Variants in CDK11B observed in about 807,000 individuals in gnomAD.
CDK11B encodes the protein cyclin-dependent kinase 11B.
A neutral mutation model predicts 84.0 loss-of-function variants in CDK11B; 37 were observed. The ratio of observed to expected loss-of-function variants is 0.44; its 90% CI spans 0.34 to 0.58. The LOEUF is 0.58. Ranked by LOEUF, CDK11B falls within the 20% of genes least tolerant of loss-of-function variation. CDK11B has a pLI of 0.02. For missense variants in CDK11B, 427 were observed against 834.0 expected (o/e 0.51, Z 6.01); for synonymous variants, 269 against 309.8 (o/e 0.87, Z 1.38).
At position 1,635,770 on chromosome 1, in the gene CDK11B, C is replaced by T. The variant is rs1206225305; in HGVS notation, c.2343G>A (p.Lys781=). Reference sequence around the variant, plus strand: ...ACGGGGTCCACTCTGACCTTCAGAACTTGAGGCTGAAGCCGGGGCCCGCGG... The same window carrying T: ...ACGGGGTCCACTCTGACCTTCAGAATTTGAGGCTGAAGCCGGGGCCCGCGG... ...ASAAGPGFSL[K]F Residue 781 remains lysine (K), a synonymous_variant, in exon 20 of 20, where the codon AAG becomes AAA. Transcript: ENST00000341832. 3.1e-6 allele frequency: 1 copy of T among 321,100 alleles called. No homozygotes were observed. The allele number at this position is 321,100 out of a possible 1,614,324, so 19.9% of individuals were successfully genotyped here.
At chr1:1,656,571 T>G (rs898492806) in intron 2 of CDK11B, among the ~76,000 whole-genome samples, 2 of 152,148 alleles carry the variant, frequency 1.3e-5, no homozygotes, top group Admixed American at 1.3e-4. Flanking sequence ...GGGTGGATCA[T>G]GAGGTCAGGA....
chr1:1,636,215 C>A (rs1158272133), intron 18 of CDK11B, 89 bp from the exon 19 acceptor site: 86 of 1,021,860 alleles, frequency 8.4e-5, no homozygotes, highest in Admixed American at 4.4e-4. Context: ...GGGCTCAGGG[C>A]ATGGGACGCC....
At chr1:1,637,296 C>A (rs1031807328) in intron 14 of CDK11B, 94 bp from the exon 15 acceptor site, 1 of 1,571,832 alleles carries the variant, frequency 6.4e-7, no homozygotes, top group African/African-American at 1.4e-5. Flanking sequence ...AGAGGCTTCT[C>A]AGGGCTTTCC....
Position 1,639,831 on chromosome 1 carries a change from A to G in CDK11B, c.1251+446T>C, listed in dbSNP as rs17162879. Among the ~76,000 whole-genome samples the G allele has an allele frequency of 2.0e-3, 302 of 151,556 alleles. 1 individual carries two copies. The highest frequency in any genetic ancestry group is 6.8e-3 in the Middle Eastern group (2 of 292). On this transcript the variant is annotated intron_variant, in intron 11 of 19. Transcript: ENST00000341832. ...TATCCTGCCTTATTGATAGCTGCCT[A>G]AGCAAAAGGCTTCTGGTCACACATC... is the stretch of plus-strand genomic sequence containing the variant.
At chr1:1,652,331 G>A (rs1642126861) in intron 4 of CDK11B, 108 bp downstream of exon 4, 1 of 952,130 alleles carries the variant, frequency 1.1e-6, no homozygotes, top group Non-Finnish European at 1.5e-6. Context: ...TTCAGCTAGA[G>A]TTTGCTTTCT....
intron 5 of CDK11B, chr1:1,645,592 A>G (rs1640967260): frequency 2.8e-6 from 1 of 355,344 alleles, no homozygotes; most frequent in African/African-American, 2.2e-5. Context: ...GTTAGCCAGG[A>G]TGGTCTCAAT....
intron 2 of CDK11B, among the ~76,000 whole-genome samples, chr1:1,656,293 C>G (rs544735302): frequency 6.6e-6 from 1 of 151,720 alleles, no homozygotes; most frequent in African/African-American, 2.4e-5. Context: ...GAGTTCCAGA[C>G]CAGCCTGACC....
chr1:1,654,054 G>A (rs879170921), intron 3 of CDK11B: 9 of 432,952 alleles, frequency 2.1e-5, no homozygotes, highest in South Asian at 1.2e-4. Flanking sequence ...ATCTCAAAGC[G>A]TCATTTAACA....
At position 1,649,520 on chromosome 1, in the gene CDK11B, C is replaced by CT; in HGVS notation, c.472dup (p.Arg158LysfsTer134). The CT allele has an allele frequency of 6.3e-7, 1 of 1,596,840 alleles. No individual in the cohort carries two copies. Among genetic ancestry groups the CT allele is most frequent in the Non-Finnish European group, 8.6e-7 (1 of 1,164,398 alleles). ...TCACCTTTCTCTCCTGGAATGCTCC[C>CT]TTGCCATCTCCCTTCTCTTCTGTCT... On this transcript the variant is annotated frameshift_variant, in exon 5 of 20. Transcript: ENST00000341832. LOFTEE classifies it high-confidence loss of function.
At chr1:1,654,889 A>G (rs1412594721) in intron 3 of CDK11B, among the ~76,000 whole-genome samples, 1 of 144,530 alleles carries the variant, frequency 6.9e-6, no homozygotes, top group South Asian at 2.3e-4. Context: ...TGATCTTCTG[A>G]CCTTGTGATC....
chr1:1,652,228 C>T (rs1642113261), intron 4 of CDK11B, among the ~76,000 whole-genome samples: 1 of 152,106 alleles, frequency 6.6e-6, no homozygotes, highest in African/African-American at 2.4e-5. Flanking sequence ...CTAGAGTTTG[C>T]TCTCTCTGGT....
intron 11 of CDK11B, among the ~76,000 whole-genome samples, chr1:1,639,512 G>C (rs544682925): frequency 6.6e-6 from 1 of 151,866 alleles, no homozygotes; most frequent in Non-Finnish European, 1.5e-5. Context: ...CCTGCCAGGC[G>C]CAGCATGATG....
chr1:1,655,258 A>G (rs1346786659), intron 3 of CDK11B, 111 bp downstream of exon 3: 3 of 1,327,306 alleles, frequency 2.3e-6, no homozygotes, highest in Non-Finnish European at 3.0e-6. Context: ...TCTAGGAAAG[A>G]GTAAACCTTA....
Position 1,650,488 on chromosome 1 carries a change from C to T in CDK11B, c.356-851G>A, listed in dbSNP as rs1203409093. Among the ~76,000 whole-genome samples, 3 of 149,610 alleles carry T rather than the reference C, an allele frequency of 2.0e-5. No individual in the cohort carries two copies. In the East Asian group the frequency reaches 6.0e-4, roughly 30 times the overall value. On this transcript the variant is annotated intron_variant, in intron 4 of 19. Transcript: ENST00000341832. ...TCACACCATTCTCCTGCCTCAGCCTCCCGAGTAGCTGGTACTACAGGCGCC... is the reference window on the plus strand; with the variant it reads ...TCACACCATTCTCCTGCCTCAGCCTTCCGAGTAGCTGGTACTACAGGCGCC...
chr1:1,654,448 CTTT>C (rs1046170093), intron 3 of CDK11B, among the ~76,000 whole-genome samples: 3 of 151,976 alleles, frequency 2.0e-5, no homozygotes, highest in Non-Finnish European at 4.4e-5. Flanking sequence ...TTCTCATCTT[CTTT>C]TTTTTATTTT....
chr1:1,654,822 C>A (rs1642512604), intron 3 of CDK11B, among the ~76,000 whole-genome samples: 1 of 151,876 alleles, frequency 6.6e-6, no homozygotes, highest in Non-Finnish European at 1.5e-5. Context: ...CCACGCCCGG[C>A]TAATTTTCTG....
Position 1,658,955 on chromosome 1 carries a change from C to T in CDK11B, c.-55G>A, listed in dbSNP as rs1350955461. On this transcript the variant is annotated 5_prime_UTR_variant, in exon 1 of 20. Transcript: ENST00000341832. Reference sequence around the variant, plus strand: ...CTGCCGCCGCCGCCGCCGCCGGTCCCGGAGCCAGAGAAGAAACAGCAACCG... The same window carrying T: ...CTGCCGCCGCCGCCGCCGCCGGTCCTGGAGCCAGAGAAGAAACAGCAACCG... 3 of 204,868 alleles carry T rather than the reference C, an allele frequency of 1.5e-5. No individual in the cohort carries two copies. The highest frequency in any genetic ancestry group is 1.7e-4 in the East Asian group (1 of 6,000). The allele number at this position is 204,868 out of a possible 1,614,324, so 12.7% of individuals were successfully genotyped here. A position where few individuals can be genotyped will look rare whatever the true frequency, so the allele number is the denominator to read the frequency against.
Position 1,636,458 on chromosome 1 carries a change from T to A in CDK11B, c.1941A>T (p.Lys647Asn), listed in dbSNP as rs1382257865. Residue 647 changes from lysine to asparagine, a missense_variant, in exon 18 of 20, where the codon AAA becomes AAT. This residue lies in a region of CDK11B where 170 missense variants were observed against 196.0 expected (regional missense o/e 0.87). Coordinates refer to ENST00000341832, the MANE Select transcript of CDK11B (RefSeq NM_033486.3). ...VFKDLGTPSEKIWPGYSELPA... is the reference protein window; with the variant it reads ...VFKDLGTPSENIWPGYSELPA... Reference sequence around the variant, plus strand: ...GGAGCTCGCTGTAGCCGGGCCAGATTTTCTCACTAGGGGTCCCCAGATCCT... The same window carrying A: ...GGAGCTCGCTGTAGCCGGGCCAGATATTCTCACTAGGGGTCCCCAGATCCT... 1 of 1,612,764 alleles carries A rather than the reference T, an allele frequency of 6.2e-7. No individual in the cohort carries two copies. Among genetic ancestry groups the A allele is most frequent in the Non-Finnish European group, 8.5e-7 (1 of 1,179,392 alleles).
chr1:1,647,538 G>A (rs1029346401), intron 5 of CDK11B, among the ~76,000 whole-genome samples: 9 of 152,200 alleles, frequency 5.9e-5, no homozygotes, highest in African/African-American at 2.2e-4. Context: ...CAAATACCTC[G>A]AGCACAGTAA....
Sources: gnomAD v4.1 joint callset for allele counts (sites outside exome capture counted in the v4.1 genomes callset) on GRCh38, gnomAD v4.1.1 for gene constraint, gnomAD v4.1.1 regional missense constraint, MANE v1.5 for transcripts, NCBI Gene and HGNC (gene_info 2026-07-23, HGNC 2026-07-21) for gene names.